Variants in SLC24A2 observed in about 807,000 individuals in gnomAD.
SLC24A2 encodes sodium/potassium/calcium exchanger 2.
In SLC24A2, 36 loss-of-function variants were observed where a neutral mutation model predicts 62.0. The ratio of observed to expected loss-of-function variants is 0.58; its 90% CI spans 0.44 to 0.77. The LOEUF is 0.77. Ranked by LOEUF, SLC24A2 falls within the 30% of genes least tolerant of loss-of-function variation. The probability of loss-of-function intolerance (pLI) is 0.00; values close to 1 mark genes in which losing one functional copy is unlikely to be tolerated. For synonymous variants in SLC24A2, 358 were observed against 294.0 expected, an observed-to-expected ratio of 1.22 and a Z score of -2.23; for missense variants, 846 against 817.9, an observed-to-expected ratio of 1.03 and a Z score of -0.42.
the SLC24A2 span, among the ~76,000 whole-genome samples, chr9:19,888,770 A>G: frequency 6.6e-6 from 1 of 152,180 alleles, no homozygotes; most frequent in Non-Finnish European, 1.5e-5. Flanking sequence ...TGAAGTTGCT[A>G]TAGATCAACT....
chr9:20,012,079 C>T, the SLC24A2 span, among the ~76,000 whole-genome samples: 1 of 152,174 alleles, frequency 6.6e-6, no homozygotes, highest in African/African-American at 2.4e-5. Flanking sequence ...CTATGGCTAA[C>T]ATCATTCTCA....
At chr9:19,863,144 C>A in the SLC24A2 span, among the ~76,000 whole-genome samples, 1 of 151,790 alleles carries the variant, frequency 6.6e-6, no homozygotes, top group African/African-American at 2.4e-5. Context: ...ATAAGAGAGA[C>A]AAGGTCGCTA....
At chr9:19,708,234 C>T (rs1820595872) in intron 2 of SLC24A2, among the ~76,000 whole-genome samples, 1 of 152,048 alleles carries the variant, frequency 6.6e-6, no homozygotes, top group African/African-American at 2.4e-5. Context: ...AACTACAAAC[C>T]ACTGCTCAAG....
the SLC24A2 span, among the ~76,000 whole-genome samples, chr9:20,062,170 A>G: frequency 2.0e-5 from 3 of 152,220 alleles, no homozygotes; most frequent in African/African-American, 7.2e-5. Context: ...CCAAGGTAGC[A>G]GTGAGCTATG....
At chr9:19,901,329 G>T in the SLC24A2 span, among the ~76,000 whole-genome samples, 1 of 152,268 alleles carries the variant, frequency 6.6e-6, no homozygotes, top group Admixed American at 6.5e-5. Context: ...TTGCAACTGG[G>T]TTTCAAATAC....
the SLC24A2 span, among the ~76,000 whole-genome samples, chr9:20,033,178 T>C: frequency 6.6e-6 from 1 of 152,136 alleles, no homozygotes; most frequent in Non-Finnish European, 1.5e-5. Context: ...AGGTTAAAAA[T>C]CCCTCATACC....
chr9:20,135,507 A>G, the SLC24A2 span, among the ~76,000 whole-genome samples: 2 of 152,110 alleles, frequency 1.3e-5, no homozygotes, highest in African/African-American at 4.8e-5. Context: ...GCACTTAGCT[A>G]TCTGCAATAT....
chr9:19,552,892 G>A (rs980935729), intron 7 of SLC24A2, among the ~76,000 whole-genome samples: 4 of 152,190 alleles, frequency 2.6e-5, no homozygotes, highest in African/African-American at 7.2e-5. Flanking sequence ...ACACACTACT[G>A]TCCAATGCAA....
At chr9:19,622,146 A>C in intron 3 of SLC24A2, 115 bp downstream of exon 3, 1 of 823,768 alleles carries the variant, frequency 1.2e-6, no homozygotes, top group Non-Finnish European at 2.1e-6. Context: ...AGATTATTTA[A>C]GTATTCCAAG....
At chr9:20,086,563 G>A in the SLC24A2 span, among the ~76,000 whole-genome samples, 9 of 152,262 alleles carry the variant, frequency 5.9e-5, no homozygotes, top group South Asian at 2.1e-4. Flanking sequence ...GTGCCCAACC[G>A]AGTTTTTTGA....
the SLC24A2 span, among the ~76,000 whole-genome samples, chr9:20,166,851 A>G: frequency 6.6e-6 from 1 of 152,016 alleles, no homozygotes; most frequent in African/African-American, 2.4e-5. Flanking sequence ...AAACAGAAAC[A>G]TATAAACTCA....
At chr9:19,795,227 A>G in the SLC24A2 span, among the ~76,000 whole-genome samples, 46 of 152,126 alleles carry the variant, frequency 3.0e-4, no homozygotes, top group East Asian at 3.5e-3. Flanking sequence ...TGGGCTGGGG[A>G]GTATCCCTCA....
At chr9:19,720,691 C>CA (rs1251875611) in intron 2 of SLC24A2, among the ~76,000 whole-genome samples, 3 of 40,978 alleles carry the variant, frequency 7.3e-5, no homozygotes, top group African/African-American at 1.6e-4. Context: ...CAATGACAAC[C>CA]CCCCCCCCCA....
At chr9:19,855,688 G>A in the SLC24A2 span, among the ~76,000 whole-genome samples, 2 of 152,150 alleles carry the variant, frequency 1.3e-5, no homozygotes, top group Non-Finnish European at 2.9e-5. Flanking sequence ...CCTTTTGTAG[G>A]TGTCCTGCCT....
chr9:19,758,476 C>A (rs967170247), intron 2 of SLC24A2, among the ~76,000 whole-genome samples: 1 of 152,166 alleles, frequency 6.6e-6, no homozygotes, highest in Non-Finnish European at 1.5e-5. Context: ...CTAATTAGGA[C>A]TATTCTACAC....
the SLC24A2 span, among the ~76,000 whole-genome samples, chr9:20,228,482 A>G: frequency 1.2e-4 from 18 of 152,100 alleles, no homozygotes; most frequent in Non-Finnish European, 1.9e-4. Flanking sequence ...CTTTTAAAAA[A>G]AAATCCAAGC....
the SLC24A2 span, among the ~76,000 whole-genome samples, chr9:20,234,442 C>G: frequency 6.6e-6 from 1 of 152,050 alleles, no homozygotes; most frequent in South Asian, 2.1e-4. Context: ...ATTCTTTTTT[C>G]TCTAACCTTC....
chr9:19,671,471 C>T (rs12682839), intron 2 of SLC24A2, among the ~76,000 whole-genome samples: 3,539 of 152,054 alleles, frequency 0.023, 82 homozygotes, highest in East Asian at 0.092. Flanking sequence ...CTTGAGGGTT[C>T]TCTAGGTATA....
At chr9:19,899,407 T>C in the SLC24A2 span, among the ~76,000 whole-genome samples, 10 of 152,196 alleles carry the variant, frequency 6.6e-5, no homozygotes, top group Non-Finnish European at 1.5e-4. Flanking sequence ...GGGCTGGTAC[T>C]TCCTGAGTCT....
Sources: allele counts gnomAD v4.1 joint callset (sites outside exome capture counted in the v4.1 genomes callset), GRCh38; gene constraint gnomAD v4.1.1; transcripts MANE v1.5; gene names NCBI Gene and HGNC (gene_info 2026-07-23, HGNC 2026-07-21).